The following TNRC6A variants were observed in gnomAD, a reference collection of about 807,000 sequenced individuals.
TNRC6A encodes trinucleotide repeat containing adaptor 6A, also known as trinucleotide repeat-containing gene 6A protein.
In TNRC6A, 44 loss-of-function variants were observed where a neutral mutation model predicts 221.2. That is an observed-to-expected ratio of 0.20 (90% confidence interval 0.16 to 0.26). TNRC6A has a LOEUF of 0.26. Ranked by LOEUF, TNRC6A falls within the 10% of genes least tolerant of loss-of-function variation. TNRC6A has a pLI of 1.00. For missense variants in TNRC6A, 2,199 were observed against 2,404.4 expected (o/e 0.91, Z 1.79); for synonymous variants, 847 against 838.5 (o/e 1.01, Z -0.18).
intron 2 of TNRC6A, among the ~76,000 whole-genome samples, chr16:24,740,124 T>C (rs1170708548): frequency 6.6e-6 from 1 of 152,242 alleles, no homozygotes; most frequent in Non-Finnish European, 1.5e-5. Context: ...AATTCTATTC[T>C]GTTGATACTA....
chr16:24,634,105 A>G (rs1019340433), intron 1 of TNRC6A, among the ~76,000 whole-genome samples: 1 of 152,144 alleles, frequency 6.6e-6, no homozygotes, highest in African/African-American at 2.4e-5. Flanking sequence ...TTATCACTGT[A>G]TATGCCCAGT....
rs1239680294 is a variant in TNRC6A at position 24,665,109 on chromosome 16, A to T, written n.402+24100A>T. ...GAGACAAGGTCTCACTCTGTTGCCT[A>T]GCCTGGAGTGCAGTGGTTCGTGCAA... is the stretch of plus-strand genomic sequence containing the variant. On this transcript the variant is annotated intron_variant and non_coding_transcript_variant, in intron 2 of 2. Coordinates refer to the TNRC6A transcript ENST00000566108. 2.0e-5 allele frequency: 8 copies of T among 400,888 alleles called. No homozygotes were observed. The Admixed American group carries it at 2.1e-4, about 10-fold the overall frequency. 24.8% of individuals were successfully genotyped at this position (400,888 alleles called of 1,614,324 possible). A position where few individuals can be genotyped will look rare whatever the true frequency, so the allele number is the denominator to read the frequency against.
chr16:24,614,457 A>T (rs957681883), intron 1 of TNRC6A, among the ~76,000 whole-genome samples: 2 of 152,234 alleles, frequency 1.3e-5, no homozygotes, highest in African/African-American at 4.8e-5. Context: ...CTGAAAGCCA[A>T]GAGGAAATTT....
chr16:24,750,458 T>C (rs1280573705), intron 2 of TNRC6A, among the ~76,000 whole-genome samples: 1 of 152,194 alleles, frequency 6.6e-6, no homozygotes, highest in Admixed American at 6.5e-5. Flanking sequence ...TGTTTCCCAA[T>C]GTAAAATTTG....
At chr16:24,643,662 CTTCTGTAGTGGACA>C (rs1902116339) in intron 2 of TNRC6A, among the ~76,000 whole-genome samples, 1 of 152,162 alleles carries the variant, frequency 6.6e-6, no homozygotes, top group African/African-American at 2.4e-5. Context: ...TCTAATAATA[CTTCTGTAGTGGACA>C]TTCTATCTGA....
At chr16:24,643,913 G>C (rs1478218590) in intron 2 of TNRC6A, among the ~76,000 whole-genome samples, 1 of 152,080 alleles carries the variant, frequency 6.6e-6, no homozygotes, top group East Asian at 1.9e-4. Context: ...GGCTCCTTCA[G>C]CTTCCATAGT....
chr16:24,665,181 C>T lies in TNRC6A; in HGVS notation n.402+24172C>T, dbSNP rs1472124241. Among the ~76,000 whole-genome samples the T allele has an allele frequency of 2.0e-5, 3 of 152,124 alleles. No homozygotes were observed. In the East Asian group the frequency reaches 5.8e-4, roughly 29 times the overall value. Reference sequence around the variant, plus strand: ...AACTCCTGGGCTCAAGCCATCCTCCCACCTCAGCCTCTCGAGTAGCTGGGA... The same window carrying T: ...AACTCCTGGGCTCAAGCCATCCTCCTACCTCAGCCTCTCGAGTAGCTGGGA... On this transcript the variant is annotated intron_variant and non_coding_transcript_variant, in intron 2 of 2. Coordinates refer to the TNRC6A transcript ENST00000566108.
chr16:24,808,246 C>T (rs893855717), intron 17 of TNRC6A, among the ~76,000 whole-genome samples: 1 of 152,224 alleles, frequency 6.6e-6, no homozygotes, highest in Non-Finnish European at 1.5e-5. Flanking sequence ...CACATAAGTT[C>T]TAAGCATAGG....
At chr16:24,807,104 C>G (rs534901150) in intron 17 of TNRC6A, among the ~76,000 whole-genome samples, 6 of 151,784 alleles carry the variant, frequency 4.0e-5, no homozygotes, top group African/African-American at 1.5e-4. Context: ...CTCCCGGGTT[C>G]AAGCGATTCT....
chr16:24,786,919 G>A lies in TNRC6A; in HGVS notation c.590-2313G>A, dbSNP rs143277779. ...GATGGTCTCAAACTCCAGACCTCGTGATCCCCTCGCCTTGGCCTCCCAAAG... is the reference window on the plus strand; with the variant it reads ...GATGGTCTCAAACTCCAGACCTCGTAATCCCCTCGCCTTGGCCTCCCAAAG... On this transcript the variant is annotated intron_variant, in intron 5 of 24. Transcript: ENST00000395799. Among the ~76,000 whole-genome samples, 1,246 of 152,284 alleles carry A rather than the reference G, an allele frequency of 8.2e-3. 10 individuals carry two copies. The highest frequency in any genetic ancestry group is 0.041 in the Middle Eastern group (12 of 294).
At chr16:24,745,410 G>T (rs1479247286) in intron 2 of TNRC6A, among the ~76,000 whole-genome samples, 3 of 152,224 alleles carry the variant, frequency 2.0e-5, no homozygotes, top group Non-Finnish European at 4.4e-5. Context: ...AATGGGAAAA[G>T]AGGAAGACTG....
chr16:24,822,785 G>A, intron 23 of TNRC6A, 89 bp from the exon 24 acceptor site: 1 of 1,544,046 alleles, frequency 6.5e-7, no homozygotes, highest in South Asian at 1.2e-5. Context: ...CCTCAGGAAA[G>A]AGAGGAGGGG....
chr16:24,781,891 C>T (rs997195804), intron 5 of TNRC6A, among the ~76,000 whole-genome samples: 2 of 151,320 alleles, frequency 1.3e-5, no homozygotes, highest in Non-Finnish European at 2.9e-5. Context: ...GGCACGATCT[C>T]GGCTCACTGC....
intron 2 of TNRC6A, among the ~76,000 whole-genome samples, chr16:24,738,123 T>C (rs2056811421): frequency 6.6e-6 from 1 of 152,150 alleles, no homozygotes; most frequent in African/African-American, 2.4e-5. Flanking sequence ...TTAGAAACCT[T>C]TGTTGGCTCC....
rs771601203 is a variant in TNRC6A, at chr16:24,789,780, C to G, written c.1138C>G (p.Leu380Val). 5.0e-6 allele frequency: 8 copies of G among 1,614,084 alleles called. No homozygotes were observed. The highest frequency in any genetic ancestry group is 5.9e-6 in the Non-Finnish European group (7 of 1,179,996). Residue 380 changes from leucine (L) to valine (V), a missense_variant, in exon 6 of 25, where the codon CTA (leucine) becomes GTA (valine). By Grantham distance (32) the Leu-to-Val change is conservative. This residue lies in a region of TNRC6A where 1,405 missense variants were observed against 1,400.2 expected (regional missense o/e 1.00). Coordinates refer to ENST00000395799, the MANE Select transcript of TNRC6A (RefSeq NM_014494.4). ...WPVLENNGLA[L>V]KGPVGSGSSG... is the part of the protein sequence containing the mutation. Reference sequence around the variant, plus strand: ...AGTATTAGAGAACAATGGACTTGCCCTAAAAGGGCCTGTAGGGAGTGGTAG... The same window carrying G: ...AGTATTAGAGAACAATGGACTTGCCGTAAAAGGGCCTGTAGGGAGTGGTAG...
rs144454581 is a variant in TNRC6A, at chr16:24,822,461, T to C, written c.5373+314T>C. On this transcript the variant is annotated intron_variant, in intron 23 of 24. Coordinates refer to ENST00000395799, the MANE Select transcript of TNRC6A (RefSeq NM_014494.4). ...ATGAATTTGACACAGGTGGTCCTTG[T>C]TGGCACATGGAGAAATCCTGGTCTG... Among the ~76,000 whole-genome samples, 22 of 152,320 alleles carry C rather than the reference T, an allele frequency of 1.4e-4. No homozygotes were observed. The East Asian group carries it at 4.2e-3, about 29-fold the overall frequency.
intron 21 of TNRC6A, chr16:24,819,670 A>G (rs929765955): frequency 5.3e-5 from 10 of 187,616 alleles, no homozygotes; most frequent in African/African-American, 2.4e-4. Flanking sequence ...CCAGCAGCCA[A>G]TGCTCAGCAC....
chr16:24,790,743 C>T lies in TNRC6A; in HGVS notation c.2101C>T (p.His701Tyr). 1.2e-6 allele frequency: 2 copies of T among 1,614,144 alleles called. No individual in the cohort carries two copies. Among genetic ancestry groups the T allele is most frequent in the East Asian group, 2.2e-5 (1 of 44,884 alleles). ...TAGAGACAGAAGAAAAATTGATCAG[C>T]ACACATTACTCCAAAGCATTGTAAA... ...QSRDRRKIDQHTLLQSIVNRT... is the reference protein window; with the variant it reads ...QSRDRRKIDQYTLLQSIVNRT... Residue 701 changes from histidine (H) to tyrosine (Y), a missense_variant, in exon 6 of 25, where the codon CAC becomes TAC. Transcript: ENST00000395799.
chr16:24,744,881 A>T (rs923520667), intron 2 of TNRC6A, among the ~76,000 whole-genome samples: 1 of 152,286 alleles, frequency 6.6e-6, no homozygotes, highest in Non-Finnish European at 1.5e-5. Flanking sequence ...ATATATATTC[A>T]TATCCCTCCC....
Sources: gnomAD v4.1 joint callset for allele counts (sites outside exome capture counted in the v4.1 genomes callset) on GRCh38, gnomAD v4.1.1 for gene constraint, gnomAD v4.1.1 regional missense constraint, MANE v1.5 for transcripts, NCBI Gene and HGNC (gene_info 2026-07-23, HGNC 2026-07-21) for gene names.